RAB3GAP1: variants seen among roughly 807,000 people sequenced by gnomAD.
The protein encoded by RAB3GAP1 is RAB3 GTPase activating protein catalytic subunit 1, also known as rab3 GTPase-activating protein catalytic subunit.
In RAB3GAP1, 86 loss-of-function variants were observed where a neutral mutation model predicts 130.7. That is an observed-to-expected ratio of 0.66 (90% CI 0.55 to 0.79). The LOEUF is 0.79. Among genes scored for constraint, RAB3GAP1 ranks in the 30% least tolerant of loss-of-function variants. The pLI is 0.00. For missense variants in RAB3GAP1, 1,029 were observed against 1,169.4 expected (o/e 0.88, Z 1.75); for synonymous variants, 367 against 401.7 (o/e 0.91, Z 1.03).
intron 5 of RAB3GAP1, 48 bp downstream of exon 5, chr2:135,093,741 G>A (rs942787536): frequency 1.5e-6 from 2 of 1,353,058 alleles, no homozygotes; most frequent in Non-Finnish European, 2.1e-6. Context: ...TGTTGCGGGG[G>A]ACCTCAACAC....
chr2:135,068,658 C>T (rs899640777), intron 3 of RAB3GAP1, among the ~76,000 whole-genome samples: 2 of 152,108 alleles, frequency 1.3e-5, no homozygotes, highest in Non-Finnish European at 2.9e-5. Flanking sequence ...GAGACTGAGG[C>T]AGGAGAATCA....
intron 5 of RAB3GAP1, among the ~76,000 whole-genome samples, chr2:135,098,030 C>T (rs141764899): frequency 1.2e-3 from 189 of 152,296 alleles, no homozygotes; most frequent in African/African-American, 3.4e-3. Context: ...TACATCCTTA[C>T]CAGCACTTGG....
At chr2:135,108,481 T>C (rs1690695650) in intron 5 of RAB3GAP1, among the ~76,000 whole-genome samples, 1 of 151,842 alleles carries the variant, frequency 6.6e-6, no homozygotes, top group African/African-American at 2.4e-5. Flanking sequence ...CTTTATATCT[T>C]CTTGGGTGAG....
chr2:135,127,656 T>A (rs1230538576), intron 11 of RAB3GAP1, among the ~76,000 whole-genome samples: 2 of 152,132 alleles, frequency 1.3e-5, no homozygotes, highest in Non-Finnish European at 2.9e-5. Flanking sequence ...GAGCACTGTT[T>A]TTGACGGTGC....
chr2:135,076,178 G>C (rs1000307681), intron 3 of RAB3GAP1, among the ~76,000 whole-genome samples: 6 of 152,108 alleles, frequency 3.9e-5, no homozygotes, highest in Non-Finnish European at 7.4e-5. Context: ...AAAGTGCTGG[G>C]ATTACAGGCG....
chr2:135,119,139 C>T (rs1438169106), intron 7 of RAB3GAP1, among the ~76,000 whole-genome samples: 1 of 135,778 alleles, frequency 7.4e-6, no homozygotes, highest in Non-Finnish European at 1.6e-5. Context: ...GACAGGGCTT[C>T]ACTCTGTCAC....
intron 7 of RAB3GAP1, among the ~76,000 whole-genome samples, chr2:135,120,361 T>G (rs925048974): frequency 5.9e-5 from 9 of 152,216 alleles, no homozygotes; most frequent in Non-Finnish European, 8.8e-5. Flanking sequence ...ATGAAAACAT[T>G]TGTGGAAGCA....
Position 135,126,633 on chromosome 2 carries a change from C to T in RAB3GAP1, c.950C>T (p.Ala317Val). The part of the protein sequence containing the change: ...APHWSVRVRK[A>V]ENPQCLLGDF... ...CATTGGTCTGTTAGAGTTCGAAAAG[C>T]TGAGAATCCTCAGTGTTTGCTAGGT... is the stretch of plus-strand genomic sequence containing the variant. Residue 317 changes from alanine (A) to valine (V), a missense_variant, in exon 11 of 24, where the codon GCT (alanine) becomes GTT (valine). Physicochemically the swap from Ala to Val is moderately conservative, Grantham distance 64 (BLOSUM62 0). Transcript: ENST00000264158. 1 of 1,612,786 alleles carries T rather than the reference C, an allele frequency of 6.2e-7. No homozygotes were observed. Among genetic ancestry groups the T allele is most frequent in the Non-Finnish European group, 8.5e-7 (1 of 1,178,874 alleles).
At chr2:135,130,985 G>A (rs1371742119) in intron 13 of RAB3GAP1, among the ~76,000 whole-genome samples, 1 of 152,172 alleles carries the variant, frequency 6.6e-6, no homozygotes, top group Non-Finnish European at 1.5e-5. Flanking sequence ...TGGGAATCAG[G>A]GAAGGCTTCA....
chr2:135,129,473 A>G (rs1394306023), intron 11 of RAB3GAP1, among the ~76,000 whole-genome samples: 1 of 151,652 alleles, frequency 6.6e-6, no homozygotes, highest in East Asian at 1.9e-4. Context: ...AATAAAATAA[A>G]TAAAAAATAA....
intron 12 of RAB3GAP1, 89 bp downstream of exon 12, chr2:135,130,176 A>G (rs898707564): frequency 3.5e-5 from 38 of 1,098,198 alleles, no homozygotes; most frequent in Non-Finnish European, 4.8e-5. Flanking sequence ...CTGTTTTCTC[A>G]TTTTGAATTA....
chr2:135,157,888 T>A (rs1478415108), intron 19 of RAB3GAP1, among the ~76,000 whole-genome samples: 6 of 151,536 alleles, frequency 4.0e-5, no homozygotes, highest in Non-Finnish European at 8.8e-5. Context: ...CTAAGCTTGG[T>A]TTTTGTAATG....
intron 3 of RAB3GAP1, 32 bp downstream of exon 3, chr2:135,058,118 C>G: frequency 6.4e-7 from 1 of 1,551,446 alleles, no homozygotes; most frequent in East Asian, 2.3e-5. Flanking sequence ...CTCTAAATGA[C>G]TATTTACTTT....
intron 3 of RAB3GAP1, among the ~76,000 whole-genome samples, chr2:135,076,069 C>G (rs1242701764): frequency 1.3e-5 from 2 of 152,002 alleles, no homozygotes; most frequent in African/African-American, 4.8e-5. Context: ...TGCCACCACT[C>G]CCAGCTAATT....
At position 135,168,632 on chromosome 2, in the gene RAB3GAP1, C is replaced by A. The variant is rs777581558; in HGVS notation, c.2797C>A (p.Pro933Thr). 9.9e-6 allele frequency: 16 copies of A among 1,614,140 alleles called. No individual in the cohort carries two copies. The highest frequency in any genetic ancestry group is 1.3e-5 in the Non-Finnish European group (15 of 1,179,986). ...GCAGAACTCCGTGTCAGACTTCCCA[C>A]CCCCTGCTGGCCGGGAATTCATTTT... ...RRQNSVSDFP[P>T]PAGREFILRT... The change falls in exon 24 of 24, where the codon CCC becomes ACC. Residue 933 changes from proline to threonine, a missense_variant. By Grantham distance (38) the Pro-to-Thr change is conservative. Transcript: ENST00000264158.
At chr2:135,068,676 C>T (rs1460512914) in intron 3 of RAB3GAP1, among the ~76,000 whole-genome samples, 18 of 152,072 alleles carry the variant, frequency 1.2e-4, no homozygotes, top group Admixed American at 9.8e-4. Context: ...TCATTTGAAC[C>T]GGGGAGGCAG....
chr2:135,097,525 T>C (rs1341103359), intron 5 of RAB3GAP1, among the ~76,000 whole-genome samples: 2 of 152,088 alleles, frequency 1.3e-5, no homozygotes. Flanking sequence ...CTGACCACAC[T>C]CTCGACATCC....
intron 17 of RAB3GAP1, among the ~76,000 whole-genome samples, chr2:135,141,228 C>CTTT (rs1553447802): frequency 4.5e-5 from 6 of 132,442 alleles, no homozygotes; most frequent in Admixed American, 1.5e-4. Context: ...TCACTTACTT[C>CTTT]TTTTTTTTTT....
At position 135,078,488 on chromosome 2, in the gene RAB3GAP1, C is replaced by T. The variant is rs577222464; in HGVS notation, c.151-12510C>T. 2.6e-5 allele frequency among the ~76,000 whole-genome samples: 4 copies of T among 152,154 alleles called. No individual in the cohort carries two copies. In the South Asian group the frequency reaches 8.3e-4, roughly 32 times the overall value. On this transcript the variant is annotated intron_variant, in intron 3 of 23. Coordinates refer to ENST00000264158, the MANE Select transcript of RAB3GAP1 (RefSeq NM_012233.3). ...TTGAATATGTTCCCTTTATTATGTA[C>T]TGAGTTCCCATATGTATTTGGATCT...
Sources: gnomAD v4.1 joint callset for allele counts (sites outside exome capture counted in the v4.1 genomes callset) on GRCh38, gnomAD v4.1.1 for gene constraint, MANE v1.5 for transcripts, NCBI Gene and HGNC (gene_info 2026-07-23, HGNC 2026-07-21) for gene names.